The following BAHCC1 variants were observed in gnomAD, a reference collection of about 807,000 sequenced individuals.
The protein encoded by BAHCC1 is BAH and coiled-coil domain-containing protein 1.
In BAHCC1, 43 loss-of-function variants were observed where a neutral mutation model predicts 88.2. The ratio of observed to expected loss-of-function variants is 0.49; its 90% confidence interval spans 0.38 to 0.63. The LOEUF is 0.63. Among genes scored for constraint, BAHCC1 ranks in the 20% least tolerant of loss-of-function variants. The pLI, the probability that BAHCC1 is intolerant of heterozygous loss-of-function variation, is 0.00. For synonymous variants in BAHCC1, 1,510 were observed against 745.5 expected, an observed-to-expected ratio of 2.03 and a Z score of -16.71; for missense variants, 3,023 against 1,654.8, an observed-to-expected ratio of 1.83 and a Z score of -14.34.
intron 2 of BAHCC1, among the ~76,000 whole-genome samples, chr17:81,422,295 G>A (rs1312734025): frequency 6.6e-6 from 1 of 152,232 alleles, no homozygotes; most frequent in Non-Finnish European, 1.5e-5. Flanking sequence ...ACAGGCGTGA[G>A]CCACCGTGTC....
In BAHCC1 at chr17:81,442,396, C is replaced by T. The variant is rs1555652794; in HGVS notation, c.1047C>T (p.Ser349=). The change falls in exon 5 of 28, where the codon TCC becomes TCT. Residue 349 remains serine (S), a synonymous_variant. Coordinates refer to ENST00000675386, the MANE Select transcript of BAHCC1 (RefSeq NM_001377448.1). Reference sequence around the variant, plus strand: ...GGCAGATGCTACACCACACCGCATCCTACGCCGGGCCACCCCCGCCCCTCA... The same window carrying T: ...GGCAGATGCTACACCACACCGCATCTTACGCCGGGCCACCCCCGCCCCTCA... ...ERRQMLHHTA[S]YAGPPPPLST... 1.4e-6 allele frequency: 1 copy of T among 700,424 alleles called. No homozygotes were observed. The highest frequency in any genetic ancestry group is 2.6e-6 in the Non-Finnish European group (1 of 379,044). 43.4% of individuals were successfully genotyped at this position (700,424 alleles called of 1,614,324 possible). A position where few individuals can be genotyped will look rare whatever the true frequency, so the allele number is the denominator to read the frequency against.
intron 2 of BAHCC1, among the ~76,000 whole-genome samples, chr17:81,423,891 G>A (rs182967503): frequency 9.8e-5 from 15 of 152,312 alleles, no homozygotes; most frequent in African/African-American, 3.6e-4. Flanking sequence ...GGCCTGGGGC[G>A]CTGGGGGCTC....
chr17:81,410,232 A>G (rs2143256408), intron 2 of BAHCC1, among the ~76,000 whole-genome samples: 1 of 152,100 alleles, frequency 6.6e-6, no homozygotes, highest in Middle Eastern at 3.4e-3. Context: ...CCTGGCGGAG[A>G]CTCAGAGGCC....
intron 2 of BAHCC1, among the ~76,000 whole-genome samples, chr17:81,418,074 C>T (rs1333992990): frequency 6.6e-6 from 1 of 152,238 alleles, no homozygotes; most frequent in South Asian, 2.1e-4. Context: ...GGCCAAGGCA[C>T]CCTCAGACAC....
At chr17:81,455,517 G>A (rs921174061) in intron 15 of BAHCC1, 127 bp downstream of exon 15, 15 of 615,008 alleles carry the variant, frequency 2.4e-5, no homozygotes, top group Non-Finnish European at 4.1e-5. Context: ...AGCAAGGCTG[G>A]GGAGCTCCGA....
In BAHCC1 at chr17:81,435,293, C is replaced by G. The variant is rs1489971506; in HGVS notation, c.359-3077C>G. On this transcript the variant is annotated intron_variant, in intron 3 of 27. Transcript: ENST00000675386. This position sits in a 1 kb window ranked among gnomAD's most constrained non-coding sequence, Gnocchi z 4.4. ...CTGGCTTTACTAACCCATCAGGTGC[C>G]TGTGGCTTTGAGCCTCTGTCTCCTG... Among the ~76,000 whole-genome samples the G allele has an allele frequency of 6.6e-6, 1 of 152,174 alleles. No individual in the cohort carries two copies. Among genetic ancestry groups the G allele is most frequent in the African/African-American group, 2.4e-5 (1 of 41,434 alleles).
intron 14 of BAHCC1, among the ~76,000 whole-genome samples, chr17:81,454,109 G>A (rs2064699271): frequency 6.6e-6 from 1 of 152,242 alleles, no homozygotes; most frequent in Admixed American, 6.5e-5. Flanking sequence ...AAAGGTGAGA[G>A]GCCAAGCCCC....
At chr17:81,407,896 G>C (rs554069501) in intron 2 of BAHCC1, among the ~76,000 whole-genome samples, 1 of 152,344 alleles carries the variant, frequency 6.6e-6, no homozygotes, top group Admixed American at 6.5e-5. Flanking sequence ...TCCCACTCCA[G>C]TGGCCCCTGG....
At position 81,461,806 on chromosome 17, in the gene BAHCC1, C is replaced by T. The variant is rs374087569; in HGVS notation, c.7143C>T (p.Ser2381=). ...CCGAGGCCCTGCGCTCCAAGGGCAGCGGCCCTCACGCGCATGCCCAGCGCT... is the reference window on the plus strand; with the variant it reads ...CCGAGGCCCTGCGCTCCAAGGGCAGTGGCCCTCACGCGCATGCCCAGCGCT... ...AQPEALRSKG[S]GPHAHAQRCF... Residue 2381 remains serine (S), a synonymous_variant, in exon 26 of 28, where the codon AGC becomes AGT. Transcript: ENST00000675386. The T allele has an allele frequency of 4.9e-5, 35 of 715,762 alleles. No individual in the cohort carries two copies. The highest frequency in any genetic ancestry group is 1.9e-4 in the African/African-American group (11 of 57,220). The allele number at this position is 715,762 out of a possible 1,614,324, so 44.3% of individuals were successfully genotyped here. A position where few individuals can be genotyped will look rare whatever the true frequency, so the allele number is the denominator to read the frequency against.
At chr17:81,448,511 C>T (rs1473255972) in intron 11 of BAHCC1, among the ~76,000 whole-genome samples, 2 of 152,236 alleles carry the variant, frequency 1.3e-5, no homozygotes, top group African/African-American at 4.8e-5. Context: ...GCGCCCGCTT[C>T]CTGCCGTCTT....
Position 81,441,863 on chromosome 17 carries a change from C to A in BAHCC1, c.514C>A (p.Pro172Thr). ...NFYLRNLPPQPTLLPANHNFP... is the reference protein window; with the variant it reads ...NFYLRNLPPQTTLLPANHNFP... ...CTACCTGCGCAACCTGCCGCCCCAG[C>A]CCACGCTGCTGCCGGCCAACCACAA... The change falls in exon 5 of 28, where the codon CCC becomes ACC. Residue 172 changes from proline (P) to threonine (T), a missense_variant. By Grantham distance (38) the Pro-to-Thr change is conservative (BLOSUM62 -1). Coordinates refer to ENST00000675386, the MANE Select transcript of BAHCC1 (RefSeq NM_001377448.1). 1.5e-6 allele frequency: 1 copy of A among 667,412 alleles called. No homozygotes were observed. Among genetic ancestry groups the A allele is most frequent in the South Asian group, 1.7e-5 (1 of 58,262 alleles). 41.3% of individuals were successfully genotyped at this position (667,412 alleles called of 1,614,324 possible). A position where few individuals can be genotyped will look rare whatever the true frequency, so the allele number is the denominator to read the frequency against.
In BAHCC1 at chr17:81,453,635, G is replaced by T. The variant is rs575543985; in HGVS notation, c.4445+784G>T. Among the ~76,000 whole-genome samples, 415 of 152,068 alleles carry T rather than the reference G, an allele frequency of 2.7e-3. 1 individual carries two copies. The highest frequency in any genetic ancestry group is 9.4e-3 in the African/African-American group (389 of 41,538). On this transcript the variant is annotated intron_variant, in intron 14 of 27. Transcript: ENST00000675386. ...CCTGCCCTGCCCAGGTGTCTCCTGGGGGGGGGTCTCCTGGGGTCTCCCTTT... is the reference window on the plus strand; with the variant it reads ...CCTGCCCTGCCCAGGTGTCTCCTGGTGGGGGGTCTCCTGGGGTCTCCCTTT...
chr17:81,445,215 T>C (rs2064502127), intron 9 of BAHCC1, 37 bp downstream of exon 9: 1 of 739,996 alleles, frequency 1.4e-6, no homozygotes, highest in Non-Finnish European at 2.5e-6. Context: ...GGCCGGGCAC[T>C]TCTCCCCAAC....
chr17:81,432,271 C>T (rs1181681082), intron 3 of BAHCC1, among the ~76,000 whole-genome samples: 23 of 152,196 alleles, frequency 1.5e-4, no homozygotes, highest in Admixed American at 8.5e-4. Context: ...GCAGGTGCAC[C>T]GTCTCCTGTG....
At chr17:81,458,106 C>T (rs1026170842) in intron 17 of BAHCC1, 59 bp from the exon 18 acceptor site, 2 of 707,850 alleles carry the variant, frequency 2.8e-6, no homozygotes, top group Admixed American at 4.1e-5. Context: ...CACAGTCAGC[C>T]CAACCAGCCG....
chr17:81,424,243 G>A (rs1296670720), intron 2 of BAHCC1, among the ~76,000 whole-genome samples: 1 of 152,238 alleles, frequency 6.6e-6, no homozygotes, highest in Admixed American at 6.5e-5. Context: ...GCTCCTCCCA[G>A]TGCTGCCTGG....
At chr17:81,446,915 C>T (rs1373713473) in intron 10 of BAHCC1, 121 bp from the exon 11 acceptor site, 11 of 689,994 alleles carry the variant, frequency 1.6e-5, no homozygotes, top group Non-Finnish European at 2.6e-5. Context: ...CTGCAGCTAG[C>T]CCAGGGCCCT....
intron 16 of BAHCC1, 114 bp from the exon 17 acceptor site, chr17:81,457,296 G>T: frequency 1.5e-6 from 1 of 649,744 alleles, no homozygotes; most frequent in Non-Finnish European, 2.8e-6. Context: ...GGGTGACGGT[G>T]ACCAGCTCCA....
At position 81,442,899 on chromosome 17, in the gene BAHCC1, C is replaced by G. The variant is rs1223888952; in HGVS notation, c.1550C>G (p.Pro517Arg). 7.7e-6 allele frequency: 6 copies of G among 779,254 alleles called. No individual in the cohort carries two copies. The highest frequency in any genetic ancestry group is 5.1e-5 in the Admixed American group (3 of 59,002). 48.3% of individuals were successfully genotyped at this position (779,254 alleles called of 1,614,324 possible). A position where few individuals can be genotyped will look rare whatever the true frequency, so the allele number is the denominator to read the frequency against. The change falls in exon 5 of 28, where the codon CCC (proline) becomes CGC (arginine). Residue 517 changes from proline to arginine, a missense_variant. Pro to Arg is a moderately radical substitution (Grantham distance 103). Coordinates refer to ENST00000675386, the MANE Select transcript of BAHCC1 (RefSeq NM_001377448.1). The part of the protein sequence containing the change: ...GHQDPLGGKA[P>R]QACCTLDKTV... ...CAGGACCCGCTGGGCGGGAAGGCCC[C>G]CCAGGCCTGCTGCACTTTAGATAAG...
Sources: gnomAD v4.1 joint callset for allele counts (sites outside exome capture counted in the v4.1 genomes callset) on GRCh38, gnomAD v4.1.1 for gene constraint, Gnocchi (gnomAD v3.1) non-coding constraint, MANE v1.5 for transcripts, NCBI Gene and HGNC (gene_info 2026-07-23, HGNC 2026-07-21) for gene names.